CDH12: variants seen among roughly 807,000 people sequenced by gnomAD.
The protein encoded by CDH12 is cadherin-12.
CDH12 carries 41 observed loss-of-function variants against 74.1 expected under a neutral mutation model. The ratio of observed to expected loss-of-function variants is 0.55; its 90% CI spans 0.43 to 0.72. The LOEUF (loss-of-function observed/expected upper bound fraction) is 0.72, where lower values mean the gene tolerates loss of function less well. CDH12 is among the 30% of genes least tolerant of loss of function. The probability of loss-of-function intolerance (pLI) is 0.00; values close to 1 mark genes in which losing one functional copy is unlikely to be tolerated. For synonymous variants in CDH12, 399 were observed against 355.0 expected (o/e 1.12, Z -1.39); for missense variants, 945 against 977.2 (o/e 0.97, Z 0.44).
chr5:22,543,612 T>A (rs1326536281), intron 1 of CDH12, among the ~76,000 whole-genome samples: 1 of 152,168 alleles, frequency 6.6e-6, no homozygotes, highest in Non-Finnish European at 1.5e-5. Context: ...TCTGAGAACC[T>A]ACAGTCTAGA....
chr5:22,052,332 A>G (rs558933740), intron 5 of CDH12, among the ~76,000 whole-genome samples: 23 of 152,234 alleles, frequency 1.5e-4, no homozygotes, highest in Middle Eastern at 3.4e-3. Flanking sequence ...TTCAATGAGC[A>G]TAACTGGCAA....
At chr5:22,259,652 C>T (rs1182759581) in intron 3 of CDH12, among the ~76,000 whole-genome samples, 1 of 151,828 alleles carries the variant, frequency 6.6e-6, no homozygotes, top group African/African-American at 2.4e-5. Flanking sequence ...CATAAATATA[C>T]ATAAAATATT....
intron 1 of CDH12, among the ~76,000 whole-genome samples, chr5:22,532,542 A>T (rs924503644): frequency 6.6e-6 from 1 of 151,186 alleles, no homozygotes; most frequent in South Asian, 2.1e-4. Context: ...TTACTTATTT[A>T]AGATCTAACC....
At chr5:22,252,017 T>C (rs1480388106) in intron 3 of CDH12, among the ~76,000 whole-genome samples, 3 of 152,114 alleles carry the variant, frequency 2.0e-5, no homozygotes, top group African/African-American at 7.2e-5. Flanking sequence ...TTACTGTTCA[T>C]ATTTTTTCTT....
chr5:22,709,098 A>T (rs1040406175), intron 1 of CDH12, among the ~76,000 whole-genome samples: 3 of 152,178 alleles, frequency 2.0e-5, no homozygotes, highest in African/African-American at 7.2e-5. Context: ...ACACCAAAAA[A>T]ATCAAGACAG....
chr5:21,905,110 G>C (rs959980916), intron 6 of CDH12, among the ~76,000 whole-genome samples: 1 of 152,150 alleles, frequency 6.6e-6, no homozygotes, highest in Non-Finnish European at 1.5e-5. Context: ...ATAGAAAAAG[G>C]TATCAAAAAT....
intron 9 of CDH12, among the ~76,000 whole-genome samples, chr5:21,805,294 A>T (rs2149928485): frequency 6.6e-6 from 1 of 152,128 alleles, no homozygotes; most frequent in East Asian, 1.9e-4. Flanking sequence ...ATTACACACT[A>T]CTGTTATCTA....
At chr5:22,540,929 C>T (rs747268810) in intron 1 of CDH12, among the ~76,000 whole-genome samples, 11 of 152,076 alleles carry the variant, frequency 7.2e-5, no homozygotes, top group South Asian at 2.1e-4. Flanking sequence ...ACACCTGTCT[C>T]GTGTTTTGAA....
intron 6 of CDH12, among the ~76,000 whole-genome samples, chr5:21,956,364 A>T (rs1315823284): frequency 6.6e-6 from 1 of 152,026 alleles, no homozygotes; most frequent in South Asian, 2.1e-4. Flanking sequence ...TTTGACATTT[A>T]AAAAAAGCAT....
intron 3 of CDH12, among the ~76,000 whole-genome samples, chr5:22,234,685 T>C (rs1342543614): frequency 6.6e-6 from 1 of 151,924 alleles, no homozygotes; most frequent in Non-Finnish European, 1.5e-5. Flanking sequence ...TATGTGAATG[T>C]GCATATATAT....
At chr5:22,676,713 G>C (rs1416785549) in intron 1 of CDH12, among the ~76,000 whole-genome samples, 3 of 152,130 alleles carry the variant, frequency 2.0e-5, no homozygotes, top group Non-Finnish European at 2.9e-5. Flanking sequence ...AGCCACATAA[G>C]TATTCACAGT....
intron 4 of CDH12, among the ~76,000 whole-genome samples, chr5:22,130,993 T>C (rs1746151037): frequency 6.6e-6 from 1 of 152,046 alleles, no homozygotes; most frequent in Non-Finnish European, 1.5e-5. Flanking sequence ...TTGAAATTTG[T>C]TCTTATTGAG....
At chr5:22,026,842 G>C (rs914813228) in intron 5 of CDH12, among the ~76,000 whole-genome samples, 1 of 152,124 alleles carries the variant, frequency 6.6e-6, no homozygotes, top group African/African-American at 2.4e-5. Flanking sequence ...CTTTGGTGCA[G>C]CAAAGGTTAG....
At chr5:22,453,361 A>C (rs181139327) in intron 2 of CDH12, among the ~76,000 whole-genome samples, 1 of 152,172 alleles carries the variant, frequency 6.6e-6, no homozygotes, top group African/African-American at 2.4e-5. Flanking sequence ...TAAAGGTATG[A>C]AAACATGTTG....
intron 1 of CDH12, among the ~76,000 whole-genome samples, chr5:22,584,545 A>AT (rs1161458965): frequency 3.3e-5 from 5 of 152,002 alleles, no homozygotes; most frequent in Non-Finnish European, 7.4e-5. Flanking sequence ...GTTGTTTTGA[A>AT]TTTTTTTGTG....
At chr5:22,245,736 G>C (rs2150383960) in intron 3 of CDH12, among the ~76,000 whole-genome samples, 1 of 151,878 alleles carries the variant, frequency 6.6e-6, no homozygotes. Flanking sequence ...CTTTCATTTT[G>C]GGGAAAATCC....
chr5:21,944,238 T>C (rs146619482), intron 6 of CDH12, among the ~76,000 whole-genome samples: 3,306 of 152,310 alleles, frequency 0.022, 107 homozygotes, highest in African/African-American at 0.06. Flanking sequence ...TGCTCCTATG[T>C]ATTTTGTAGT....
intron 1 of CDH12, among the ~76,000 whole-genome samples, chr5:22,621,999 C>T (rs1274069902): frequency 6.6e-6 from 1 of 151,978 alleles, no homozygotes; most frequent in Admixed American, 6.6e-5. Context: ...TAGTCATTAG[C>T]TGTGTTAGGT....
chr5:21,811,103 G>T (rs1250578436), intron 9 of CDH12, among the ~76,000 whole-genome samples: 1 of 151,866 alleles, frequency 6.6e-6, no homozygotes, highest in Non-Finnish European at 1.5e-5. Context: ...ATTCTGCTTT[G>T]GATTTAATGT....
Sources: allele counts gnomAD v4.1 joint callset (sites outside exome capture counted in the v4.1 genomes callset), GRCh38; gene constraint gnomAD v4.1.1; transcripts MANE v1.5; gene names NCBI Gene and HGNC (gene_info 2026-07-23, HGNC 2026-07-21).